Variants in PLXNA1 observed in about 807,000 individuals in gnomAD.
PLXNA1 encodes plexin-A1.
PLXNA1 carries 77 observed loss-of-function variants against 191.7 expected under a neutral mutation model. The observed-to-expected ratio is 0.40, with a 90% CI of 0.33 to 0.49. PLXNA1 has a LOEUF of 0.49. Among genes scored for constraint, PLXNA1 ranks in the 20% least tolerant of loss-of-function variants. PLXNA1 has a pLI of 0.63. For synonymous variants in PLXNA1, 1,137 were observed against 1,156.4 expected (o/e 0.98, Z 0.34); for missense variants, 2,110 against 2,660.2 (o/e 0.79, Z 4.55).
At chr3:127,017,725 C>G in intron 18 of PLXNA1, 24 bp from the exon 19 acceptor site, 1 of 1,613,234 alleles carries the variant, frequency 6.2e-7, no homozygotes, top group South Asian at 1.1e-5. Context: ...GTCCTGGGCT[C>G]TGGCTCACCC....
At position 127,022,309 on chromosome 3, in the gene PLXNA1, G is replaced by A. The variant is rs2079155927; in HGVS notation, c.4263G>A (p.Glu1421=). The A allele has an allele frequency of 6.2e-7, 1 of 1,612,602 alleles. No homozygotes were observed. Among genetic ancestry groups the A allele is most frequent in the Admixed American group, 1.7e-5 (1 of 60,008 alleles). ...LLSDLIEKNL[E]SKNHPKLLLR... is the part of the protein sequence containing the mutation. Reference sequence around the variant, plus strand: ...CCGACCTCATCGAGAAGAACCTGGAGAGCAAGAACCACCCCAAGCTGCTAC... The same window carrying A: ...CCGACCTCATCGAGAAGAACCTGGAAAGCAAGAACCACCCCAAGCTGCTAC... Residue 1421 remains glutamate (E), a synonymous_variant, in exon 22 of 32, where the codon GAG becomes GAA. Transcript: ENST00000393409.
At position 127,028,397 on chromosome 3, in the gene PLXNA1, C is replaced by T. The variant is rs2079187762; in HGVS notation, c.4669+57C>T. ...GTGTGCTGGAGCAGAGGGGCAGGGC[C>T]ATGGCCTAGTACTGAGCTTGGCGGG... is the stretch of plus-strand genomic sequence containing the variant. On this transcript the variant is annotated intron_variant, in intron 25 of 31. Coordinates refer to ENST00000393409, the MANE Select transcript of PLXNA1 (RefSeq NM_032242.4). 3.9e-6 allele frequency: 6 copies of T among 1,556,542 alleles called. No homozygotes were observed. In the East Asian group the frequency reaches 1.1e-4, roughly 29 times the overall value.
Position 127,017,637 on chromosome 3 carries a change from G to A in PLXNA1, c.3489G>A (p.Leu1163=). 6.2e-7 allele frequency: 1 copy of A among 1,613,550 alleles called. No individual in the cohort carries two copies. Among genetic ancestry groups the A allele is most frequent in the East Asian group, 2.2e-5 (1 of 44,862 alleles). ...TCAGCCCCACTGGCCTGCTGGAGCT[G>A]AAGCCCAGCTCCCCACTCATCCTCA... ...EPLSPTGLLE[L]KPSSPLILKG... is the part of the protein sequence containing the mutation. Residue 1163 remains leucine (L), a synonymous_variant, in exon 18 of 32, where the codon CTG becomes CTA. Transcript: ENST00000393409.
Position 126,988,530 on chromosome 3 carries a change from T to G in PLXNA1, c.-64T>G. 7.3e-7 allele frequency: 1 copy of G among 1,376,136 alleles called. No individual in the cohort carries two copies. The highest frequency in any genetic ancestry group is 9.6e-7 in the Non-Finnish European group (1 of 1,043,550). 85.2% of individuals were successfully genotyped at this position (1,376,136 alleles called of 1,614,324 possible). A position where few individuals can be genotyped will look rare whatever the true frequency, so the allele number is the denominator to read the frequency against. On this transcript the variant is annotated 5_prime_UTR_variant, in exon 2 of 32. Transcript: ENST00000393409. ...TCTGCCCCTTCCCCAGGGCTGAAGCTCCTGGCACCATGATGCTCACCCCAG... is the reference window on the plus strand; with the variant it reads ...TCTGCCCCTTCCCCAGGGCTGAAGCGCCTGGCACCATGATGCTCACCCCAG...
At position 127,034,132 on chromosome 3, in the gene PLXNA1, A is replaced by G; in HGVS notation, c.*115A>G. 1 of 943,390 alleles carries G rather than the reference A, an allele frequency of 1.1e-6. No individual in the cohort carries two copies. Among genetic ancestry groups the G allele is most frequent in the Non-Finnish European group, 1.6e-6 (1 of 633,128 alleles). The allele number at this position is 943,390 out of a possible 1,614,324, so 58.4% of individuals were successfully genotyped here. A position where few individuals can be genotyped will look rare whatever the true frequency, so the allele number is the denominator to read the frequency against. On this transcript the variant is annotated 3_prime_UTR_variant, in exon 32 of 32. Transcript: ENST00000393409. The stretch of plus-strand genomic sequence containing the variant: ...GGTGGTGCTCGGGCCGCCGCAGTGC[A>G]GCGACTGCCCGGCCCTCCCTCCCCT...
At position 127,008,738 on chromosome 3, in the gene PLXNA1, A is replaced by AGGCTGGG. The variant is rs1050552541; in HGVS notation, c.2112+838_2112+844dup. Among the ~76,000 whole-genome samples the AGGCTGGG allele has an allele frequency of 2.0e-5, 3 of 152,068 alleles. No individual in the cohort carries two copies. The South Asian group carries it at 6.2e-4, about 32-fold the overall frequency. ...TGCAGCTGGGCTGCACTTCCCTGCC[A>AGGCTGGG]GGCTGGGGGCTGGGGGCTGAGGAAG... is the stretch of plus-strand genomic sequence containing the variant. On this transcript the variant is annotated intron_variant, in intron 9 of 31. Coordinates refer to ENST00000393409, the MANE Select transcript of PLXNA1 (RefSeq NM_032242.4).
chr3:127,014,969 C>T, intron 14 of PLXNA1, 138 bp downstream of exon 14: 2 of 1,414,690 alleles, frequency 1.4e-6, no homozygotes, highest in East Asian at 2.5e-5. Flanking sequence ...GCTGCCCCTC[C>T]CCTCCTGTGC....
intron 1 of PLXNA1, among the ~76,000 whole-genome samples, chr3:126,987,617 A>G (rs1228486377): frequency 6.6e-6 from 1 of 151,676 alleles, no homozygotes; most frequent in East Asian, 1.9e-4. Flanking sequence ...GTCACTGTGG[A>G]GGGGTGGAGT....
intron 9 of PLXNA1, among the ~76,000 whole-genome samples, chr3:127,008,357 C>T (rs759569349): frequency 2.0e-5 from 3 of 152,164 alleles, no homozygotes; most frequent in Admixed American, 1.3e-4. Flanking sequence ...GGGGAGCTTG[C>T]CGGCCTAGCG....
At position 127,017,643 on chromosome 3, in the gene PLXNA1, C is replaced by T; in HGVS notation, c.3495C>T (p.Pro1165=). 1 of 1,613,532 alleles carries T rather than the reference C, an allele frequency of 6.2e-7. No individual in the cohort carries two copies. ...LSPTGLLELK[P]SSPLILKGRN... ...CCACTGGCCTGCTGGAGCTGAAGCC[C>T]AGCTCCCCACTCATCCTCAAGGTGG... The change falls in exon 18 of 32, where the codon CCC becomes CCT. Residue 1165 remains proline (P), a synonymous_variant. Transcript: ENST00000393409.
chr3:127,011,950 A>G lies in PLXNA1; in HGVS notation c.2113-8A>G. 6.2e-7 allele frequency: 1 copy of G among 1,609,842 alleles called. No homozygotes were observed. Among genetic ancestry groups the G allele is most frequent in the Non-Finnish European group, 8.5e-7 (1 of 1,176,732 alleles). ...CCCCGGGCTCAGCCAAACTCTTCTT[A>G]TCCCCAGGACTGCCCACAGATCCTG... On this transcript the variant is annotated splice_region_variant and splice_polypyrimidine_tract_variant and intron_variant, in intron 9 of 31. Coordinates refer to ENST00000393409, the MANE Select transcript of PLXNA1 (RefSeq NM_032242.4).
intron 1 of PLXNA1, among the ~76,000 whole-genome samples, chr3:126,984,979 AC>A (rs951612165): frequency 1.8e-4 from 27 of 151,948 alleles, no homozygotes; most frequent in African/African-American, 6.5e-4. Context: ...ACCTCCCATG[AC>A]CCCCGTTGTG....
At position 127,020,373 on chromosome 3, in the gene PLXNA1, G is replaced by T. The variant is rs762127474; in HGVS notation, c.4038+29G>T. The T allele has an allele frequency of 2.5e-6, 4 of 1,607,992 alleles. No homozygotes were observed. The Admixed American group carries it at 5.0e-5, about 20-fold the overall frequency. ...GGACCACTGGCTCCGGGGGGTCACA[G>T]GAACTCAGAGGCAGCTGCTATCTTC... On this transcript the variant is annotated intron_variant, in intron 21 of 31. Coordinates refer to ENST00000393409, the MANE Select transcript of PLXNA1 (RefSeq NM_032242.4).
In PLXNA1 at chr3:126,989,175, G is replaced by A. The variant is rs371691614; in HGVS notation, c.582G>A (p.Lys194=). The A allele has an allele frequency of 1.1e-5, 17 of 1,613,430 alleles. No homozygotes were observed. In the African/African-American group the frequency reaches 1.3e-4, roughly 13 times the overall value. ...KLFVGTPIDG[K]SEYFPTLSSR... is the part of the protein sequence containing the mutation. ...TCGTGGGCACACCCATCGATGGCAA[G>A]TCCGAGTACTTCCCCACACTGTCCA... The change falls in exon 2 of 32, where the codon AAG becomes AAA. Residue 194 remains lysine, a synonymous_variant. Transcript: ENST00000393409.
chr3:126,987,722 T>C (rs2078966096), intron 1 of PLXNA1, among the ~76,000 whole-genome samples: 1 of 149,456 alleles, frequency 6.7e-6, no homozygotes, highest in Non-Finnish European at 1.5e-5. Flanking sequence ...TTGGATAGAG[T>C]GCTGAGAGTC....
chr3:127,032,468 C>T lies in PLXNA1; in HGVS notation c.5313C>T (p.Ala1771=). 6.2e-7 allele frequency: 1 copy of T among 1,614,096 alleles called. No individual in the cohort carries two copies. The highest frequency in any genetic ancestry group is 8.5e-7 in the Non-Finnish European group (1 of 1,180,032). The stretch of plus-strand genomic sequence containing the variant: ...TTCACAAGAACAGCATCACGGACGC[C>T]TGCTTGTCGGTGGTGGCCCAGACCT... ...FDIHKNSITD[A]CLSVVAQTFM... Residue 1771 remains alanine, a synonymous_variant, in exon 30 of 32, where the codon GCC becomes GCT. Coordinates refer to ENST00000393409, the MANE Select transcript of PLXNA1 (RefSeq NM_032242.4).
At chr3:127,018,581 T>C in intron 20 of PLXNA1, 53 bp downstream of exon 20, 1 of 1,433,046 alleles carries the variant, frequency 7.0e-7, no homozygotes, top group Non-Finnish European at 9.7e-7. Flanking sequence ...AGCCAGGCCC[T>C]GGCCTGTCCC....
chr3:127,029,816 C>T, intron 27 of PLXNA1, 58 bp from the exon 28 acceptor site: 1 of 1,482,998 alleles, frequency 6.7e-7, no homozygotes, highest in South Asian at 1.3e-5. Flanking sequence ...GGGAAACAGG[C>T]TCGGGCGGGG....
chr3:127,014,318 A>G lies in PLXNA1; in HGVS notation c.2547A>G (p.Ala849=). 1 of 1,597,956 alleles carries G rather than the reference A, an allele frequency of 6.3e-7. No homozygotes were observed. Among genetic ancestry groups the G allele is most frequent in the Non-Finnish European group, 8.5e-7 (1 of 1,176,838 alleles). The part of the protein sequence containing the change: ...LRHHCAADTP[A]SWMHARHGSS... ...ACCACTGCGCTGCCGACACACCTGC[A>G]TCGTGGATGCACGCGCGTCACGGCA... is the stretch of plus-strand genomic sequence containing the variant. Residue 849 remains alanine, a synonymous_variant, in exon 12 of 32, where the codon GCA becomes GCG. Transcript: ENST00000393409.
Sources: allele counts gnomAD v4.1 joint callset (sites outside exome capture counted in the v4.1 genomes callset), GRCh38; gene constraint gnomAD v4.1.1; transcripts MANE v1.5; gene names NCBI Gene and HGNC (gene_info 2026-07-23, HGNC 2026-07-21).